FAM181A: variants seen among roughly 807,000 people sequenced by gnomAD.
FAM181A encodes the protein family with sequence similarity 181 member A, also known as protein FAM181A.
FAM181A carries 7 observed loss-of-function variants against 16.3 expected under a neutral mutation model. The ratio of observed to expected loss-of-function variants is 0.43; its 90% CI spans 0.24 to 0.81. FAM181A has a LOEUF of 0.81. FAM181A is among the 30% of genes least tolerant of loss of function. The pLI is 0.24. For missense variants in FAM181A, 349 were observed against 377.5 expected, an observed-to-expected ratio of 0.92 and a Z score of 0.63; for synonymous variants, 183 against 164.9, an observed-to-expected ratio of 1.11 and a Z score of -0.84.
rs781294767 is a variant in FAM181A, at chr14:93,928,811, C to A, written c.526C>A (p.Pro176Thr). 1 of 1,613,984 alleles carries A rather than the reference C, an allele frequency of 6.2e-7. No homozygotes were observed. The highest frequency in any genetic ancestry group is 1.3e-5 in the African/African-American group (1 of 75,052). Residue 176 changes from proline (P) to threonine (T), a missense_variant, in exon 2 of 2, where the codon CCC becomes ACC. Physicochemically the swap from Pro to Thr is conservative, Grantham distance 38. Transcript: ENST00000556222. ...EGKKNCKGLE[P>T]LGPETTLVSM... Reference sequence around the variant, plus strand: ...TAAGAAAAATTGCAAGGGCTTGGAGCCCCTGGGACCTGAGACTACCCTGGT... The same window carrying A: ...TAAGAAAAATTGCAAGGGCTTGGAGACCCTGGGACCTGAGACTACCCTGGT...
chr14:93,925,169 A>T, upstream of FAM181A: 1 of 1,046,058 alleles, frequency 9.6e-7, no homozygotes, highest in Non-Finnish European at 1.4e-6. Flanking sequence ...GAAAGGAGAG[A>T]CAGCTTCATG....
intron 1 of FAM181A, 78 bp from the exon 2 acceptor site, chr14:93,928,121 T>C: frequency 6.4e-7 from 1 of 1,556,962 alleles, no homozygotes; most frequent in Non-Finnish European, 8.7e-7. Flanking sequence ...AGACTGTTTG[T>C]AGACAGGTGC....
chr14:93,924,705 C>T (rs185830545), upstream of FAM181A, among the ~76,000 whole-genome samples: 17 of 152,306 alleles, frequency 1.1e-4, no homozygotes, highest in African/African-American at 3.1e-4. Context: ...TGGCCGGCAG[C>T]GCTTAGGCAG....
In FAM181A at chr14:93,927,979, C is replaced by T. The variant is rs554938376; in HGVS notation, c.-87-220C>T. On this transcript the variant is annotated intron_variant, in intron 1 of 1. Transcript: ENST00000556222. ...GAGCCTTGGCTGCAAGAAGGGGCAC[C>T]AGACCCAAGCAGGCTGGGCGAGGCT... is the stretch of plus-strand genomic sequence containing the variant. Among the ~76,000 whole-genome samples the T allele has an allele frequency of 1.1e-4, 16 of 152,160 alleles. No homozygotes were observed. The South Asian group carries it at 2.7e-3, about 26-fold the overall frequency.
In FAM181A at chr14:93,927,707, G is replaced by A. The variant is rs144587748; in HGVS notation, c.-88+253G>A. 290 of 1,172,786 alleles carry A rather than the reference G, an allele frequency of 2.5e-4. No homozygotes were observed. The African/African-American group carries it at 4.2e-3, about 17-fold the overall frequency. The allele number at this position is 1,172,786 out of a possible 1,614,324, so 72.6% of individuals were successfully genotyped here. ...GGGGTGGAGCGTGGGGACTGAGGAG[G>A]GGGGCTGGTGCTCCTCGTGCTGGGG... On this transcript the variant is annotated intron_variant, in intron 1 of 1. Transcript: ENST00000556222.
chr14:93,923,788 C>A (rs139971307), upstream of FAM181A: 6 of 152,366 alleles, frequency 3.9e-5, no homozygotes, highest in Middle Eastern at 3.4e-3. Flanking sequence ...TTACAGAACT[C>A]GGGCTCTGGT....
At chr14:93,923,794 C>G (rs1303316523), upstream of FAM181A, 3 of 152,276 alleles carry the variant, frequency 2.0e-5, no homozygotes, top group African/African-American at 7.2e-5. Context: ...AACTCGGGCT[C>G]TGGTGCTGGG....
At position 93,928,584 on chromosome 14, in the gene FAM181A, T is replaced by C. The variant is rs1366199520; in HGVS notation, c.299T>C (p.Leu100Pro). ...GGTGGGGGCTGCAAGGAGAAGGTGC[T>C]GAGGAACCCCTACAGGGAGGAATGT... is the stretch of plus-strand genomic sequence containing the variant. The part of the protein sequence containing the change: ...GGGGGCKEKV[L>P]RNPYREECLA... Residue 100 changes from leucine (L) to proline (P), a missense_variant, in exon 2 of 2, where the codon CTG becomes CCG. Leu to Pro is a moderately conservative substitution (Grantham distance 98, BLOSUM62 -3). Transcript: ENST00000556222. 6.2e-7 allele frequency: 1 copy of C among 1,613,638 alleles called. No homozygotes were observed. The highest frequency in any genetic ancestry group is 8.5e-7 in the Non-Finnish European group (1 of 1,179,942).
intron 1 of FAM181A, among the ~76,000 whole-genome samples, chr14:93,920,117 T>C (rs1398627038): frequency 1.3e-5 from 2 of 152,100 alleles, no homozygotes; most frequent in African/African-American, 4.8e-5. Context: ...GATTATGATA[T>C]TAGAAGTGAA....
chr14:93,922,148 C>G (rs1006728887), intron 1 of FAM181A: 1 of 152,182 alleles, frequency 6.6e-6, no homozygotes, highest in African/African-American at 2.4e-5. Context: ...GTCAGCCCAT[C>G]TTTTGGGACT....
At chr14:93,927,628 C>G in intron 1 of FAM181A, 174 bp downstream of exon 1, 1 of 1,285,534 alleles carries the variant, frequency 7.8e-7, no homozygotes, top group African/African-American at 1.5e-5. Flanking sequence ...GCCCGCAAGG[C>G]AGGTCTCGAT....
Position 93,928,720 on chromosome 14 carries a change from C to T in FAM181A, c.435C>T (p.Pro145=), listed in dbSNP as rs1888030018. The part of the protein sequence containing the change: ...LPASFWEEPR[P]THSYHVGLEG... The stretch of plus-strand genomic sequence containing the variant: ...CTTCCTTCTGGGAAGAGCCAAGGCC[C>T]ACCCACAGCTACCATGTGGGGCTGG... The change falls in exon 2 of 2, where the codon CCC becomes CCT. Residue 145 remains proline (P), a synonymous_variant. Transcript: ENST00000556222. 6.2e-7 allele frequency: 1 copy of T among 1,613,808 alleles called. No homozygotes were observed. Among genetic ancestry groups the T allele is most frequent in the Non-Finnish European group, 8.5e-7 (1 of 1,179,966 alleles).
At chr14:93,919,052 T>C (rs1887629209) in intron 1 of FAM181A, 1 of 152,186 alleles carries the variant, frequency 6.6e-6, no homozygotes, top group African/African-American at 2.4e-5. Flanking sequence ...TGTGGGGCGG[T>C]GGTCCATCTG....
intron 1 of FAM181A, among the ~76,000 whole-genome samples, chr14:93,919,405 A>G (rs1039087677): frequency 1.3e-5 from 2 of 152,172 alleles, no homozygotes; most frequent in Non-Finnish European, 2.9e-5. Context: ...GGTCTTCGTC[A>G]AGTCACTTAG....
At chr14:93,927,650 C>T in intron 1 of FAM181A, 196 bp downstream of exon 1, 1 of 1,280,722 alleles carries the variant, frequency 7.8e-7, no homozygotes, top group Non-Finnish European at 1.0e-6. Flanking sequence ...AAGTGCCAGA[C>T]AGGGGTCCTG....
chr14:93,927,681 G>A, intron 1 of FAM181A: 1 of 1,257,960 alleles, frequency 7.9e-7, no homozygotes, highest in Non-Finnish European at 1.0e-6. Context: ...CGTGAGAGCT[G>A]GGGGTGGAGC....
intron 1 of FAM181A, chr14:93,919,018 G>A (rs1887627934): frequency 1.3e-5 from 2 of 152,312 alleles, no homozygotes; most frequent in South Asian, 2.1e-4. Context: ...GGGGGTGGGG[G>A]AGCGTGCAGA....
intron 1 of FAM181A, 143 bp downstream of exon 1, chr14:93,927,597 G>T: frequency 7.8e-7 from 1 of 1,287,086 alleles, no homozygotes; most frequent in Non-Finnish European, 1.0e-6. Flanking sequence ...GGGAATCCCT[G>T]CTGCCCGCAG....
At chr14:93,922,330 G>C (rs923754010) in intron 1 of FAM181A, 4 of 152,250 alleles carry the variant, frequency 2.6e-5, no homozygotes, top group African/African-American at 7.2e-5. Context: ...GTTAACTCCT[G>C]TGGGGACCAG....
Sources: gnomAD v4.1 joint callset for allele counts (sites outside exome capture counted in the v4.1 genomes callset) on GRCh38, gnomAD v4.1.1 for gene constraint, MANE v1.5 for transcripts, NCBI Gene and HGNC (gene_info 2026-07-23, HGNC 2026-07-21) for gene names.